CCDC158: variants seen among roughly 807,000 people sequenced by gnomAD.
CCDC158 encodes coiled-coil domain containing 158.
A neutral mutation model predicts 138.6 loss-of-function variants in CCDC158; 116 were observed. The ratio of observed to expected loss-of-function variants is 0.84; its 90% CI spans 0.72 to 0.98. The LOEUF (loss-of-function observed/expected upper bound fraction) is 0.98, where lower values mean the gene tolerates loss of function less well. CCDC158 is among the 50% of genes least tolerant of loss of function. The pLI, the probability that CCDC158 is intolerant of heterozygous loss-of-function variation, is 0.00. For synonymous variants in CCDC158, 436 were observed against 442.4 expected (o/e 0.99, Z 0.18); for missense variants, 1,265 against 1,306.1 (o/e 0.97, Z 0.48).
chr4:76,369,141 G>A (rs1724979318), intron 11 of CCDC158, among the ~76,000 whole-genome samples: 1 of 152,156 alleles, frequency 6.6e-6, no homozygotes, highest in African/African-American at 2.4e-5. Context: ...CTTGAATCCG[G>A]GAGGTGGAGG....
chr4:76,324,112 T>A (rs923924759), intron 23 of CCDC158, among the ~76,000 whole-genome samples: 6 of 152,198 alleles, frequency 3.9e-5, no homozygotes, highest in African/African-American at 1.4e-4. Flanking sequence ...TATCAAAAAA[T>A]ACCCTTTTCA....
chr4:76,357,402 T>A lies in CCDC158; in HGVS notation c.2145A>T (p.Leu715Phe), dbSNP rs749687344. The change falls in exon 14 of 25, where the codon TTA becomes TTT. Residue 715 changes from leucine to phenylalanine, a missense_variant. By Grantham distance (22) the Leu-to-Phe change is conservative (BLOSUM62 0). Transcript: ENST00000682701. ...GACCATCAGATCCTTCCATTGACTT[T>A]AATGTATTTCTTGTCTGTTCTAGTT... ...QSELEQTRNT[L>F]KSMEGSDGHA... 1 of 1,589,350 alleles carries A rather than the reference T, an allele frequency of 6.3e-7. No homozygotes were observed. Among genetic ancestry groups the A allele is most frequent in the Non-Finnish European group, 8.5e-7 (1 of 1,170,572 alleles).
intron 10 of CCDC158, among the ~76,000 whole-genome samples, chr4:76,370,208 C>T (rs1239167311): frequency 6.6e-6 from 1 of 152,074 alleles, no homozygotes; most frequent in Non-Finnish European, 1.5e-5. Context: ...AAAGTTAAGA[C>T]ATAGACATAA....
At chr4:76,381,856 T>C (rs912743533) in intron 8 of CCDC158, among the ~76,000 whole-genome samples, 1 of 152,048 alleles carries the variant, frequency 6.6e-6, no homozygotes, top group African/African-American at 2.4e-5. Context: ...TAATTTTTTG[T>C]ATTTTTAGTG....
intron 24 of CCDC158, among the ~76,000 whole-genome samples, chr4:76,313,585 C>T (rs543059614): frequency 5.3e-4 from 81 of 152,234 alleles, no homozygotes; most frequent in Middle Eastern, 6.8e-3. Context: ...CCACTGTGCC[C>T]AGCCTCAGTT....
intron 4 of CCDC158, among the ~76,000 whole-genome samples, chr4:76,388,067 A>G (rs1386495793): frequency 6.6e-6 from 1 of 152,064 alleles, no homozygotes; most frequent in East Asian, 1.9e-4. Context: ...GCCCTGAATA[A>G]CCAGCAGTGA....
intron 24 of CCDC158, among the ~76,000 whole-genome samples, chr4:76,315,013 C>T (rs530954623): frequency 9.2e-5 from 14 of 152,236 alleles, no homozygotes; most frequent in Admixed American, 6.5e-4. Flanking sequence ...GTTTATAGCA[C>T]GGGCAAGGTC....
At chr4:76,325,805 C>T in intron 23 of CCDC158, 52 bp downstream of exon 23, 1 of 1,498,152 alleles carries the variant, frequency 6.7e-7, no homozygotes, top group South Asian at 1.2e-5. Context: ...ACTTACAGTT[C>T]AGCAGTGTAG....
chr4:76,342,983 C>G (rs1722199190), intron 18 of CCDC158, among the ~76,000 whole-genome samples: 1 of 152,156 alleles, frequency 6.6e-6, no homozygotes, highest in Admixed American at 6.5e-5. Context: ...TCCATATACT[C>G]AGGTGATTAC....
chr4:76,357,385 G>T lies in CCDC158; in HGVS notation c.2162C>A (p.Ser721Tyr). 1 of 1,570,032 alleles carries T rather than the reference G, an allele frequency of 6.4e-7. No individual in the cohort carries two copies. Among genetic ancestry groups the T allele is most frequent in the Non-Finnish European group, 8.6e-7 (1 of 1,162,074 alleles). Residue 721 changes from serine to tyrosine, a missense_variant, in exon 14 of 25, where the codon TCT becomes TAT. Coordinates refer to ENST00000682701, the MANE Select transcript of CCDC158 (RefSeq NM_001394954.1). ...TRNTLKSMEG[S>Y]DGHAMKVAMG... Reference sequence around the variant, plus strand: ...CTAACAGAGCATACCATGACCATCAGATCCTTCCATTGACTTTAATGTATT... The same window carrying T: ...CTAACAGAGCATACCATGACCATCATATCCTTCCATTGACTTTAATGTATT...
At chr4:76,324,799 A>C (rs1433947704) in intron 23 of CCDC158, among the ~76,000 whole-genome samples, 4 of 152,122 alleles carry the variant, frequency 2.6e-5, no homozygotes. Context: ...ACCCTTAAGC[A>C]ATTGTCCTGT....
At position 76,367,182 on chromosome 4, in the gene CCDC158, C is replaced by G. The variant is rs999714272; in HGVS notation, c.1830+112G>C. On this transcript the variant is annotated intron_variant, in intron 12 of 24. Transcript: ENST00000682701. Reference sequence around the variant, plus strand: ...ACACATATACACATAGAAACAAACACCTTCCAACAGTTTCAGAGTGTCCAC... The same window carrying G: ...ACACATATACACATAGAAACAAACAGCTTCCAACAGTTTCAGAGTGTCCAC... The G allele has an allele frequency of 1.3e-5, 16 of 1,189,740 alleles. No homozygotes were observed. In the African/African-American group the frequency reaches 2.1e-4, roughly 16 times the overall value. The allele number at this position is 1,189,740 out of a possible 1,614,324, so 73.7% of individuals were successfully genotyped here. A position where few individuals can be genotyped will look rare whatever the true frequency, so the allele number is the denominator to read the frequency against.
At chr4:76,391,798 C>G (rs1211061748) in intron 4 of CCDC158, among the ~76,000 whole-genome samples, 1 of 151,170 alleles carries the variant, frequency 6.6e-6, no homozygotes, top group African/African-American at 2.4e-5. Flanking sequence ...AGAGAGAAGA[C>G]CCAAATAAAT....
chr4:76,409,484 C>T (rs1729115967), intron 2 of CCDC158, among the ~76,000 whole-genome samples: 1 of 152,074 alleles, frequency 6.6e-6, no homozygotes, highest in African/African-American at 2.4e-5. Flanking sequence ...AACAGTTCTG[C>T]CTGATTTAAA....
At chr4:76,376,417 C>T (rs1725725597) in intron 9 of CCDC158, among the ~76,000 whole-genome samples, 2 of 151,976 alleles carry the variant, frequency 1.3e-5, no homozygotes, top group Non-Finnish European at 2.9e-5. Flanking sequence ...TGATATTTTT[C>T]CTTGTTGTTA....
intron 1 of CCDC158, among the ~76,000 whole-genome samples, chr4:76,419,845 G>A (rs2109941408): frequency 6.6e-6 from 1 of 150,524 alleles, no homozygotes; most frequent in Admixed American, 6.7e-5. Context: ...CCACTGCTCA[G>A]CCTACCATAT....
chr4:76,336,770 A>C (rs1196975400), intron 18 of CCDC158, among the ~76,000 whole-genome samples: 1 of 152,186 alleles, frequency 6.6e-6, no homozygotes, highest in Non-Finnish European at 1.5e-5. Flanking sequence ...AAATGTTCTC[A>C]GGAAAATTCT....
At chr4:76,316,525 A>G (rs185065562) in intron 24 of CCDC158, among the ~76,000 whole-genome samples, 8 of 152,310 alleles carry the variant, frequency 5.3e-5, no homozygotes, top group African/African-American at 1.9e-4. Context: ...CTAAAAGTCT[A>G]GAAAACTTAT....
chr4:76,361,961 A>G (rs1470439716), intron 13 of CCDC158, among the ~76,000 whole-genome samples, 165 bp downstream of exon 13: 1 of 152,218 alleles, frequency 6.6e-6, no homozygotes, highest in East Asian at 1.9e-4. Context: ...ACTCTTCATG[A>G]AAACTATGAG....
Sources: allele counts gnomAD v4.1 joint callset (sites outside exome capture counted in the v4.1 genomes callset), GRCh38; gene constraint gnomAD v4.1.1; transcripts MANE v1.5; gene names NCBI Gene and HGNC (gene_info 2026-07-23, HGNC 2026-07-21).